Variants in ADAMTS17 observed in about 807,000 individuals in gnomAD.
ADAMTS17 encodes the protein ADAM metallopeptidase with thrombospondin type 1 motif 17, also known as A disintegrin and metalloproteinase with thrombospondin motifs 17.
A neutral mutation model predicts 141.5 loss-of-function variants in ADAMTS17; 113 were observed. That is an observed-to-expected ratio of 0.80 (90% CI 0.69 to 0.93). The LOEUF (loss-of-function observed/expected upper bound fraction) is 0.93. Ranked by LOEUF, ADAMTS17 falls within the 40% of genes least tolerant of loss-of-function variation. The pLI, the probability that ADAMTS17 is intolerant of heterozygous loss-of-function variation, is 0.00. For synonymous variants in ADAMTS17, 768 were observed against 630.6 expected (o/e 1.22, Z -3.27); for missense variants, 1,659 against 1,517.9 (o/e 1.09, Z -1.54).
intron 8 of ADAMTS17, among the ~76,000 whole-genome samples, chr15:100,197,196 G>T (rs1596249910): frequency 6.6e-6 from 1 of 152,212 alleles, no homozygotes; most frequent in Non-Finnish European, 1.5e-5. Context: ...CCTCCATGCG[G>T]CATGTGTGCG....
At chr15:100,098,962 A>G (rs1235811885) in intron 14 of ADAMTS17, among the ~76,000 whole-genome samples, 4 of 152,124 alleles carry the variant, frequency 2.6e-5, no homozygotes, top group Admixed American at 2.6e-4. Context: ...GGCTTCCTAT[A>G]ATTTTCAAAC....
chr15:100,252,705 T>G (rs2043191413), intron 7 of ADAMTS17, among the ~76,000 whole-genome samples: 1 of 152,202 alleles, frequency 6.6e-6, no homozygotes, highest in Non-Finnish European at 1.5e-5. Context: ...ACACGGCCTT[T>G]GTCTAGCAAT....
At position 100,215,855 on chromosome 15, in the gene ADAMTS17, G is replaced by A. The variant is rs1386475339; in HGVS notation, c.1076-16432C>T. Among the ~76,000 whole-genome samples the A allele has an allele frequency of 2.6e-5, 4 of 152,048 alleles. No homozygotes were observed. The East Asian group carries it at 7.7e-4, about 29-fold the overall frequency. On this transcript the variant is annotated intron_variant, in intron 7 of 21. Coordinates refer to ENST00000268070, the MANE Select transcript of ADAMTS17 (RefSeq NM_139057.4). ...TCCAAGACACCATTTGCCTGAGGATGAATAACTCAAACTCAGAGTTTAGGT... is the reference window on the plus strand; with the variant it reads ...TCCAAGACACCATTTGCCTGAGGATAAATAACTCAAACTCAGAGTTTAGGT...
Position 100,162,475 on chromosome 15 carries a change from A to G in ADAMTS17, c.1182-7155T>C, listed in dbSNP as rs57989098. The stretch of plus-strand genomic sequence containing the variant: ...ATATATATGCACATATACACATTAT[A>G]TGTGTATATATATGCACATATACAC... On this transcript the variant is annotated intron_variant, in intron 8 of 21. Coordinates refer to ENST00000268070, the MANE Select transcript of ADAMTS17 (RefSeq NM_139057.4). Among the ~76,000 whole-genome samples, 69 of 132,348 alleles carry G rather than the reference A, an allele frequency of 5.2e-4. 2 individuals are homozygous for G. The highest frequency in any genetic ancestry group is 9.8e-4 in the Non-Finnish European group (62 of 63,520). 86.8% of individuals were successfully genotyped at this position (132,348 alleles called of 152,430 possible). A position where few individuals can be genotyped will look rare whatever the true frequency, so the allele number is the denominator to read the frequency against.
At chr15:100,304,919 TAATA>T (rs1410264691) in intron 3 of ADAMTS17, among the ~76,000 whole-genome samples, 1 of 152,226 alleles carries the variant, frequency 6.6e-6, no homozygotes, top group Non-Finnish European at 1.5e-5. Context: ...TACTTCCACT[TAATA>T]AATAGTGAAT....
At chr15:100,008,492 C>T (rs2061084726) in intron 18 of ADAMTS17, among the ~76,000 whole-genome samples, 1 of 152,176 alleles carries the variant, frequency 6.6e-6, no homozygotes, top group Admixed American at 6.5e-5. Flanking sequence ...GATGGGGCAG[C>T]CAAGGGGAAG....
chr15:100,170,925 A>G (rs942907009), intron 8 of ADAMTS17, among the ~76,000 whole-genome samples: 3 of 152,192 alleles, frequency 2.0e-5, no homozygotes, highest in African/African-American at 7.2e-5. Flanking sequence ...AGTCACTAAA[A>G]TAAGTACATG....
rs138079735 is a variant in ADAMTS17 at position 100,261,961 on chromosome 15, A to G, written c.874-325T>C. On this transcript the variant is annotated intron_variant, in intron 5 of 21. Transcript: ENST00000268070. Reference sequence around the variant, plus strand: ...GCTTGACCCGGCAGGTAACATCAGCATGTGGGAAGGCGCTCCATTGAAAGA... The same window carrying G: ...GCTTGACCCGGCAGGTAACATCAGCGTGTGGGAAGGCGCTCCATTGAAAGA... 3.8e-3 allele frequency among the ~76,000 whole-genome samples: 577 copies of G among 152,324 alleles called. 5 individuals carry two copies. Among genetic ancestry groups the G allele is most frequent in the African/African-American group, 0.013 (528 of 41,574 alleles).
intron 14 of ADAMTS17, among the ~76,000 whole-genome samples, chr15:100,102,366 G>A (rs949675876): frequency 2.3e-5 from 3 of 132,664 alleles, no homozygotes; most frequent in African/African-American, 6.1e-5. Flanking sequence ...AGGGCCAACC[G>A]AAGGGGATCT....
chr15:100,116,703 G>A, intron 13 of ADAMTS17, 144 bp downstream of exon 13: 1 of 1,109,270 alleles, frequency 9.0e-7, no homozygotes, highest in Non-Finnish European at 1.3e-6. Context: ...TACAAAGTTG[G>A]GCCGCAGCTG....
intron 3 of ADAMTS17, among the ~76,000 whole-genome samples, chr15:100,292,021 C>T (rs964813068): frequency 3.3e-5 from 5 of 152,390 alleles, no homozygotes; most frequent in Non-Finnish European, 5.9e-5. Flanking sequence ...ACACTCACCC[C>T]GTGTGGAATC....
At chr15:100,249,321 T>A (rs1305602833) in intron 7 of ADAMTS17, among the ~76,000 whole-genome samples, 1 of 152,224 alleles carries the variant, frequency 6.6e-6, no homozygotes, top group Non-Finnish European at 1.5e-5. Context: ...GCATTGGTCA[T>A]CTTGGGCTGT....
chr15:100,120,269 C>T (rs1170293141), intron 12 of ADAMTS17, among the ~76,000 whole-genome samples: 2 of 152,052 alleles, frequency 1.3e-5, no homozygotes, highest in African/African-American at 4.8e-5. Context: ...AAAGCCAGGT[C>T]AATTTCAGTT....
intron 8 of ADAMTS17, among the ~76,000 whole-genome samples, chr15:100,194,232 G>C (rs1252985609): frequency 2.0e-5 from 3 of 152,046 alleles, no homozygotes; most frequent in African/African-American, 7.3e-5. Flanking sequence ...GACACAGGTG[G>C]GCACAGGGTC....
At chr15:100,026,470 AACTG>A (rs2061517267) in intron 18 of ADAMTS17, among the ~76,000 whole-genome samples, 1 of 152,230 alleles carries the variant, frequency 6.6e-6, no homozygotes, top group Non-Finnish European at 1.5e-5. Flanking sequence ...ATGTTGGCTT[AACTG>A]ACTAACTGTA....
At chr15:100,022,617 C>G (rs1181419497) in intron 18 of ADAMTS17, among the ~76,000 whole-genome samples, 1 of 152,052 alleles carries the variant, frequency 6.6e-6, no homozygotes. Context: ...GTAACGGAGA[C>G]CTTTAGCCAC....
chr15:100,332,137 C>T (rs2046072386), intron 2 of ADAMTS17, among the ~76,000 whole-genome samples: 1 of 152,242 alleles, frequency 6.6e-6, no homozygotes, highest in Admixed American at 6.5e-5. Context: ...TTCATTAGAA[C>T]TTTTGCCAAG....
In ADAMTS17 at chr15:100,048,841, G is replaced by A. The variant is rs1338928355; in HGVS notation, c.2591+16C>T. 3 of 1,614,016 alleles carry A rather than the reference G, an allele frequency of 1.9e-6. No homozygotes were observed. The South Asian group carries it at 3.3e-5, about 18-fold the overall frequency. On this transcript the variant is annotated intron_variant, in intron 18 of 21. Transcript: ENST00000268070. ...CAGACTCTGGTGGGTCCAAGCTACA[G>A]AACCCAGCTTCTTACCGTGACTGGC...
chr15:100,294,732 C>T (rs2044751879), intron 3 of ADAMTS17, among the ~76,000 whole-genome samples: 1 of 152,278 alleles, frequency 6.6e-6, no homozygotes, highest in Non-Finnish European at 1.5e-5. Context: ...AGAGGGGCTC[C>T]CCAACATCCC....
Sources: allele counts gnomAD v4.1 joint callset (sites outside exome capture counted in the v4.1 genomes callset), GRCh38; gene constraint gnomAD v4.1.1; transcripts MANE v1.5; gene names NCBI Gene and HGNC (gene_info 2026-07-23, HGNC 2026-07-21).